ZFP90: variants seen among roughly 807,000 people sequenced by gnomAD.
ZFP90 encodes zinc finger protein 90 homolog.
A neutral mutation model predicts 60.8 loss-of-function variants in ZFP90; 38 were observed. The observed-to-expected ratio is 0.62, with a 90% CI of 0.48 to 0.82. ZFP90 has a LOEUF of 0.82. ZFP90 is among the 40% of genes least tolerant of loss of function. The probability of loss-of-function intolerance (pLI) is 0.00; values close to 1 mark genes in which losing one functional copy is unlikely to be tolerated. For missense variants in ZFP90, 711 were observed against 759.1 expected, an observed-to-expected ratio of 0.94 and a Z score of 0.74; for synonymous variants, 287 against 264.8, an observed-to-expected ratio of 1.08 and a Z score of -0.82.
rs769217612 is a variant in ZFP90 at position 68,558,111 on chromosome 16, C to A, written c.147C>A (p.His49Gln). ...YRDVMLENYS[H>Q]LVSLGYQVSK... ...ATGTGATGCTGGAGAACTATAGCCA[C>A]CTGGTTTCTCTTGGTAAGGACCACT... Residue 49 changes from histidine (H) to glutamine (Q), a missense_variant, in exon 3 of 5, where the codon CAC becomes CAA. His to Gln is a conservative substitution (Grantham distance 24, BLOSUM62 0). Coordinates refer to ENST00000563169, the MANE Select transcript of ZFP90 (RefSeq NM_001305203.2). 6.2e-7 allele frequency: 1 copy of A among 1,613,686 alleles called. No individual in the cohort carries two copies. Among genetic ancestry groups the A allele is most frequent in the Non-Finnish European group, 8.5e-7 (1 of 1,179,828 alleles).
At chr16:68,572,192 C>T (rs1353498384) in intron 2 of ZFP90, among the ~76,000 whole-genome samples, 4 of 150,154 alleles carry the variant, frequency 2.7e-5, no homozygotes, top group Non-Finnish European at 5.9e-5. Context: ...TTTTTTTTTC[C>T]ATTTGGAAAG....
At chr16:68,542,961 A>G (rs1047674890) in intron 2 of ZFP90, among the ~76,000 whole-genome samples, 1 of 152,132 alleles carries the variant, frequency 6.6e-6, no homozygotes, top group Non-Finnish European at 1.5e-5. Flanking sequence ...AATAAATTGT[A>G]TGGTATCCTA....
At chr16:68,549,088 A>C (rs546158120) in intron 2 of ZFP90, among the ~76,000 whole-genome samples, 2 of 152,252 alleles carry the variant, frequency 1.3e-5, no homozygotes, top group African/African-American at 4.8e-5. Context: ...AGTGGTTCTT[A>C]ACCAGGGTCA....
downstream of ZFP90, among the ~76,000 whole-genome samples, chr16:68,571,745 TAGTG>T (rs1299465100): frequency 1.3e-5 from 2 of 152,062 alleles, no homozygotes; most frequent in African/African-American, 4.8e-5. Flanking sequence ...CTAAGCAACA[TAGTG>T]AGACCTCATC....
upstream of ZFP90, among the ~76,000 whole-genome samples, chr16:68,539,042 G>A (rs1034799999): frequency 6.6e-6 from 1 of 152,224 alleles, no homozygotes; most frequent in Admixed American, 6.5e-5. Context: ...CCCGAAACCA[G>A]GGTCTTTCCC....
downstream of ZFP90, among the ~76,000 whole-genome samples, chr16:68,571,798 T>A (rs1179734822): frequency 1.0e-5 from 1 of 98,524 alleles, no homozygotes; most frequent in Non-Finnish European, 2.5e-5. Context: ...TAATAAAAAA[T>A]TGTTAAAAGA....
At chr16:68,574,944 T>G (rs1016856799) in intron 2 of ZFP90, among the ~76,000 whole-genome samples, 391 of 69,738 alleles carry the variant, frequency 5.6e-3, no homozygotes, top group Middle Eastern at 0.026. Flanking sequence ...AAAAAAAAAG[T>G]GGAAAAAAAA....
At position 68,564,494 on chromosome 16, in the gene ZFP90, T is replaced by A; in HGVS notation, c.1707T>A (p.Ile569=). ...GKAFSQSSSL[I]QHERTHTGEK... ...CCTTTAGTCAAAGTTCATCTCTCAT[T>A]CAGCATGAGAGAACTCATACTGGAG... The change falls in exon 5 of 5, where the codon ATT becomes ATA. Residue 569 remains isoleucine (I), a synonymous_variant. Coordinates refer to ENST00000563169, the MANE Select transcript of ZFP90 (RefSeq NM_001305203.2). The A allele has an allele frequency of 1.2e-6, 2 of 1,613,914 alleles. No homozygotes were observed. The highest frequency in any genetic ancestry group is 1.7e-6 in the Non-Finnish European group (2 of 1,179,926).
rs779038169 is a variant in ZFP90 at position 68,563,558 on chromosome 16, C to T, written c.771C>T (p.Thr257=). The T allele has an allele frequency of 6.1e-5, 98 of 1,614,034 alleles. No homozygotes were observed. The East Asian group carries it at 1.3e-3, about 21-fold the overall frequency. ...IYPGKKHHEC[T]DCGKTFLWKT... ...CTGGAAAGAAACACCATGAATGTAC[C>T]GACTGTGGGAAAACCTTTCTCTGGA... The change falls in exon 5 of 5, where the codon ACC becomes ACT. Residue 257 remains threonine (T), a synonymous_variant. Transcript: ENST00000563169.
intron 3 of ZFP90, 56 bp downstream of exon 3, chr16:68,558,180 T>TGCTA (rs2091377106): frequency 6.2e-7 from 1 of 1,601,436 alleles, no homozygotes; most frequent in African/African-American, 1.3e-5. Context: ...CTTCCTTGGT[T>TGCTA]GCTATAGTGG....
intron 2 of ZFP90, among the ~76,000 whole-genome samples, chr16:68,575,141 G>T (rs2091587518): frequency 6.6e-6 from 1 of 152,192 alleles, no homozygotes; most frequent in South Asian, 2.1e-4. Context: ...TCTGTGGCCA[G>T]CAGTGTCCCC....
At position 68,563,251 on chromosome 16, in the gene ZFP90, T is replaced by A; in HGVS notation, c.464T>A (p.Phe155Tyr). ...QKKIITPQEN[F>Y]EQNKFGENSR... ...AAAATAATTACACCACAAGAAAATT[T>A]TGAGCAAAATAAATTTGGTGAAAAT... The change falls in exon 5 of 5, where the codon TTT (phenylalanine) becomes TAT (tyrosine). Residue 155 changes from phenylalanine to tyrosine, a missense_variant. Phe to Tyr is a conservative substitution (Grantham distance 22). Coordinates refer to ENST00000563169, the MANE Select transcript of ZFP90 (RefSeq NM_001305203.2). 1.2e-6 allele frequency: 2 copies of A among 1,613,404 alleles called. No homozygotes were observed. The highest frequency in any genetic ancestry group is 1.7e-6 in the Non-Finnish European group (2 of 1,179,768).
At chr16:68,543,614 G>A (rs1221665547) in intron 2 of ZFP90, among the ~76,000 whole-genome samples, 2 of 150,662 alleles carry the variant, frequency 1.3e-5, no homozygotes, top group Non-Finnish European at 2.9e-5. Flanking sequence ...AGGCTAGAGT[G>A]CAGTGGCGTG....
intron 2 of ZFP90, among the ~76,000 whole-genome samples, chr16:68,552,290 T>C (rs2091276379): frequency 6.6e-6 from 1 of 152,188 alleles, no homozygotes; most frequent in African/African-American, 2.4e-5. Context: ...CCAAACTGGT[T>C]CTCGCCTCTG....
At position 68,563,177 on chromosome 16, in the gene ZFP90, AC is replaced by A. The variant is rs1429066601; in HGVS notation, c.391del (p.Gln131ArgfsTer18). 6.2e-7 allele frequency: 1 copy of A among 1,614,050 alleles called. No homozygotes were observed. Among genetic ancestry groups the A allele is most frequent in the African/African-American group, 1.3e-5 (1 of 74,928 alleles). ...ATGTTAGCAGCCAGTTAGACAGGCA[AC>A]AGGAAAACTGGAAGAGACATCTGGG... ...WDVSSQLDRQ[Q>X]ENWKRHLGSE... is the part of the protein sequence containing the mutation. On this transcript the variant is annotated frameshift_variant, in exon 5 of 5. Transcript: ENST00000563169. LOFTEE classifies it high-confidence loss of function.
intron 2 of ZFP90, among the ~76,000 whole-genome samples, chr16:68,541,761 C>G (rs1393193039): frequency 6.6e-6 from 1 of 152,188 alleles, no homozygotes; most frequent in Non-Finnish European, 1.5e-5. Context: ...AAAGTATCCT[C>G]CATAGGCTTG....
chr16:68,540,185 T>C (rs1308041225), intron 2 of ZFP90, among the ~76,000 whole-genome samples: 2 of 152,088 alleles, frequency 1.3e-5, no homozygotes, highest in Non-Finnish European at 2.9e-5. Context: ...AGGAAGTGAC[T>C]GTCGGCAAGT....
chr16:68,564,622 AG>A lies in ZFP90; in HGVS notation c.1837del (p.Glu613AsnfsTer38). The A allele has an allele frequency of 6.2e-7, 1 of 1,614,080 alleles. No individual in the cohort carries two copies. The highest frequency in any genetic ancestry group is 8.5e-7 in the Non-Finnish European group (1 of 1,179,984). Reference protein sequence around the residue: ...IHTGEKPYSCKECGKNFSRSS... With the variant: ...IHTGEKPYSCXECGKNFSRSS... Reference sequence around the variant, plus strand: ...ACTGGAGAAAAACCCTATTCTTGTAAGGAATGTGGGAAAAACTTCAGCCGAA... The same window carrying A: ...ACTGGAGAAAAACCCTATTCTTGTAAGAATGTGGGAAAAACTTCAGCCGAA... On this transcript the variant is annotated frameshift_variant, in exon 5 of 5. Coordinates refer to ENST00000563169, the MANE Select transcript of ZFP90 (RefSeq NM_001305203.2). LOFTEE classifies it high-confidence loss of function.
chr16:68,555,086 C>T (rs879731057), intron 2 of ZFP90: 1 of 152,258 alleles, frequency 6.6e-6, no homozygotes, highest in Non-Finnish European at 1.5e-5. Flanking sequence ...GCACTTACCT[C>T]TTAGGACCTG....
Sources: allele counts gnomAD v4.1 joint callset (sites outside exome capture counted in the v4.1 genomes callset), GRCh38; gene constraint gnomAD v4.1.1; transcripts MANE v1.5; gene names NCBI Gene and HGNC (gene_info 2026-07-23, HGNC 2026-07-21).